TBC1D16: variants seen among roughly 807,000 people sequenced by gnomAD.
TBC1D16 encodes CTD-2529O21.1.
In TBC1D16, 58 loss-of-function variants were observed where a neutral mutation model predicts 74.7. The ratio of observed to expected loss-of-function variants is 0.78; its 90% CI spans 0.63 to 0.97. The LOEUF (loss-of-function observed/expected upper bound fraction) is 0.97, where lower values mean the gene tolerates loss of function less well. Among genes scored for constraint, TBC1D16 ranks in the 50% least tolerant of loss-of-function variants. TBC1D16 has a pLI of 0.00. For synonymous variants in TBC1D16, 493 were observed against 474.7 expected (o/e 1.04, Z -0.50); for missense variants, 1,014 against 1,079.5 (o/e 0.94, Z 0.85).
Position 79,993,983 on chromosome 17 carries a change from T to C in TBC1D16, c.779+16177A>G, listed in dbSNP as rs1427658799. On this transcript the variant is annotated intron_variant, in intron 3 of 11. Transcript: ENST00000310924. This position sits in a 1 kb window ranked among gnomAD's most constrained non-coding sequence, Gnocchi z 5.1. ...AAAAGGCTGACAAGTTTCATTTCCC[T>C]GACCTTGGACAGCCCTCCTGATGCA... Among the ~76,000 whole-genome samples, 4 of 152,180 alleles carry C rather than the reference T, an allele frequency of 2.6e-5. No individual in the cohort carries two copies. Among genetic ancestry groups the C allele is most frequent in the Non-Finnish European group, 5.9e-5 (4 of 68,030 alleles).
chr17:80,024,967 AACCCCGTAGGCACACACCACACTC>A (rs2036499504), intron 1 of TBC1D16, among the ~76,000 whole-genome samples: 1 of 135,386 alleles, frequency 7.4e-6, no homozygotes. Flanking sequence ...CCACACACAC[AACCCCGTAGGCACACACCACACTC>A]TACACACACA....
In TBC1D16 at chr17:79,961,227, A is replaced by T. The variant is rs1421167676; in HGVS notation, c.780-8409T>A. On this transcript the variant is annotated intron_variant, in intron 3 of 11. Coordinates refer to ENST00000310924, the MANE Select transcript of TBC1D16 (RefSeq NM_019020.4). The surrounding 1 kb of genome is among the most constrained non-coding windows in gnomAD (Gnocchi z 4.8). ...ATGTTAAGTGAAAGAAGCCAGACACAAAAGGCTACATGAGAAGATACTCAG... is the reference window on the plus strand; with the variant it reads ...ATGTTAAGTGAAAGAAGCCAGACACTAAAGGCTACATGAGAAGATACTCAG... Among the ~76,000 whole-genome samples the T allele has an allele frequency of 6.6e-6, 1 of 152,240 alleles. No homozygotes were observed. Among genetic ancestry groups the T allele is most frequent in the East Asian group, 1.9e-4 (1 of 5,198 alleles).
chr17:79,984,619 G>GGGAGAGAAGGAA (rs1491290219), intron 3 of TBC1D16, among the ~76,000 whole-genome samples: 1 of 102,506 alleles, frequency 9.8e-6, no homozygotes, highest in African/African-American at 4.1e-5. Context: ...GAGGGAGGGA[G>GGGAGAGAAGGAA]TGAAGGAAGG....
intron 3 of TBC1D16, among the ~76,000 whole-genome samples, chr17:79,995,036 T>C (rs1444961253): frequency 1.3e-5 from 2 of 152,040 alleles, no homozygotes; most frequent in Non-Finnish European, 2.9e-5. Flanking sequence ...CCGTGGCTCA[T>C]AGCCTGTAAT....
In TBC1D16 at chr17:79,934,790, A is replaced by T. The variant is rs2031480849; in HGVS notation, c.*6069T>A. The T allele has an allele frequency of 6.6e-6, 1 of 152,442 alleles. No individual in the cohort carries two copies. Among genetic ancestry groups the T allele is most frequent in the African/African-American group, 2.4e-5 (1 of 41,462 alleles). The allele number at this position is 152,442 out of a possible 1,614,324, so 9.4% of individuals were successfully genotyped here. A position where few individuals can be genotyped will look rare whatever the true frequency, so the allele number is the denominator to read the frequency against. ...GGCAGGTGAGACAGGCCCTTCAGAC[A>T]TGAGACCCGAGTGATGTAGATAAGA... On this transcript the variant is annotated 3_prime_UTR_variant, in exon 12 of 12. Transcript: ENST00000310924.
chr17:79,960,444 T>C lies in TBC1D16; in HGVS notation c.780-7626A>G, dbSNP rs75759254. 1.5e-3 allele frequency among the ~76,000 whole-genome samples: 230 copies of C among 152,092 alleles called. 2 individuals carry two copies. Among genetic ancestry groups the C allele is most frequent in the Admixed American group, 2.4e-3 (36 of 15,282 alleles). ...CATGATGTGATCCACTACACATCTA[T>C]TGGAATGACTAAAAAACAAATGAAT... On this transcript the variant is annotated intron_variant, in intron 3 of 11. Transcript: ENST00000310924.
At chr17:79,968,201 C>T (rs1490706555) in intron 3 of TBC1D16, among the ~76,000 whole-genome samples, 1 of 152,160 alleles carries the variant, frequency 6.6e-6, no homozygotes. Flanking sequence ...ACCATGTTGG[C>T]CAGGCTGGTC....
chr17:79,991,354 C>T (rs946973027), intron 3 of TBC1D16, among the ~76,000 whole-genome samples: 3 of 151,874 alleles, frequency 2.0e-5, no homozygotes, highest in African/African-American at 7.3e-5. Flanking sequence ...TCAGGGGAGG[C>T]TGAGGCTGAC....
chr17:79,952,313 C>G (rs867079171), intron 4 of TBC1D16: 9 of 220,332 alleles, frequency 4.1e-5, no homozygotes, highest in African/African-American at 1.1e-4. Context: ...CACAGGTGGC[C>G]GAGCTCCAGA....
rs1455720122 is a variant in TBC1D16 at position 80,018,686 on chromosome 17, GA to G, written c.-62-5078del. ...GTGTGATCACAGCTCACTGTATTCTGAAACTCCTGGGCTCAAGGAATCCTCC... is the reference window on the plus strand; with the variant it reads ...GTGTGATCACAGCTCACTGTATTCTGAACTCCTGGGCTCAAGGAATCCTCC... On this transcript the variant is annotated intron_variant, in intron 1 of 11. Transcript: ENST00000310924. Among the ~76,000 whole-genome samples, 3 of 148,484 alleles carry G rather than the reference GA, an allele frequency of 2.0e-5. 1 individual carries two copies. Among genetic ancestry groups the G allele is most frequent in the African/African-American group, 7.8e-5 (3 of 38,304 alleles).
At chr17:80,005,457 C>A (rs1218239180) in intron 3 of TBC1D16, among the ~76,000 whole-genome samples, 1 of 152,324 alleles carries the variant, frequency 6.6e-6, no homozygotes, top group African/African-American at 2.4e-5. Context: ...GCAGGATGAC[C>A]AGTCGCGCTT....
At chr17:80,003,525 A>G (rs368596124) in intron 3 of TBC1D16, among the ~76,000 whole-genome samples, 3 of 152,224 alleles carry the variant, frequency 2.0e-5, no homozygotes, top group Non-Finnish European at 4.4e-5. Flanking sequence ...CGTGCAGCGC[A>G]GTGGGAGATG....
chr17:79,977,738 C>T (rs567037381), intron 3 of TBC1D16, among the ~76,000 whole-genome samples: 1 of 152,398 alleles, frequency 6.6e-6, no homozygotes, highest in African/African-American at 2.4e-5. Flanking sequence ...CATGTGCACA[C>T]GGCGGTACTG....
At chr17:79,953,590 G>A (rs2033185632) in intron 3 of TBC1D16, among the ~76,000 whole-genome samples, 1 of 152,166 alleles carries the variant, frequency 6.6e-6, no homozygotes, top group African/African-American at 2.4e-5. Flanking sequence ...CCCAAGCTTT[G>A]TGGCCCATGT....
chr17:79,965,214 G>A (rs1443809916), intron 3 of TBC1D16, among the ~76,000 whole-genome samples: 4 of 151,808 alleles, frequency 2.6e-5, no homozygotes. Flanking sequence ...CAAGTAGCTG[G>A]GATTACAGAC....
rs150342222 is a variant in TBC1D16, at chr17:79,975,267, A to G, written c.780-22449T>C. ...TAGTCTTTGGGATTCAAGGAAGAAC[A>G]AAACAAACCCGATCTCCTGTAATCT... On this transcript the variant is annotated intron_variant, in intron 3 of 11. Coordinates refer to ENST00000310924, the MANE Select transcript of TBC1D16 (RefSeq NM_019020.4). The surrounding 1 kb of genome is among the most constrained non-coding windows in gnomAD (Gnocchi z 4.5). Among the ~76,000 whole-genome samples the G allele has an allele frequency of 6.5e-3, 996 of 152,334 alleles. 18 individuals are homozygous for G. Among genetic ancestry groups the G allele is most frequent in the African/African-American group, 0.023 (964 of 41,560 alleles).
At chr17:79,997,640 A>G (rs11651379) in intron 3 of TBC1D16, among the ~76,000 whole-genome samples, 15,596 of 152,248 alleles carry the variant, frequency 0.1, 1,019 homozygotes, top group South Asian at 0.17. Context: ...CCCTCAATGT[A>G]CACACTTTCC....
intron 2 of TBC1D16, among the ~76,000 whole-genome samples, chr17:80,012,427 GA>G (rs1453418394): frequency 6.6e-6 from 1 of 152,138 alleles, no homozygotes; most frequent in African/African-American, 2.4e-5. Context: ...TGGCTATAAA[GA>G]TACACTTATC....
intron 3 of TBC1D16, among the ~76,000 whole-genome samples, chr17:79,970,071 G>A (rs1196421135): frequency 6.6e-6 from 1 of 152,194 alleles, no homozygotes. Context: ...AGGAAATCGT[G>A]GCATCCATAC....
Sources: allele counts gnomAD v4.1 joint callset (sites outside exome capture counted in the v4.1 genomes callset), GRCh38; gene constraint gnomAD v4.1.1; non-coding constraint Gnocchi (gnomAD v3.1); transcripts MANE v1.5; gene names NCBI Gene and HGNC (gene_info 2026-07-23, HGNC 2026-07-21).